The following SMOC1 variants were observed in gnomAD, a reference collection of about 807,000 sequenced individuals.
SMOC1 encodes SPARC related modular calcium binding 1, also known as SPARC-related modular calcium-binding protein 1.
Under a neutral mutation model 56.3 loss-of-function variants are expected in SMOC1, and 22 were observed. That is an observed-to-expected ratio of 0.39 (90% CI 0.28 to 0.56). The LOEUF is 0.56. Ranked by LOEUF, SMOC1 falls within the 20% of genes least tolerant of loss-of-function variation. The pLI is 0.61. For missense variants in SMOC1, 509 were observed against 565.4 expected (o/e 0.90, Z 1.01); for synonymous variants, 193 against 215.0 (o/e 0.90, Z 0.89).
chr14:69,920,325 C>T lies in SMOC1; in HGVS notation c.100-31813C>T, dbSNP rs551768726. 1.5e-4 allele frequency among the ~76,000 whole-genome samples: 23 copies of T among 152,258 alleles called. No homozygotes were observed. The South Asian group carries it at 3.7e-3, about 25-fold the overall frequency. ...GAGCCAGTGCTGGATGTATTACTGCCGTTTACCTCTGTAGGTTTTATGGAC... is the reference window on the plus strand; with the variant it reads ...GAGCCAGTGCTGGATGTATTACTGCTGTTTACCTCTGTAGGTTTTATGGAC... On this transcript the variant is annotated intron_variant, in intron 1 of 11. Coordinates refer to ENST00000361956, the MANE Select transcript of SMOC1 (RefSeq NM_001034852.3).
At chr14:69,977,791 T>G in intron 4 of SMOC1, 127 bp from the exon 5 acceptor site, 1 of 773,706 alleles carries the variant, frequency 1.3e-6, no homozygotes, top group Non-Finnish European at 2.3e-6. Flanking sequence ...ATAATATCCT[T>G]AGATGTGTAT....
chr14:69,927,893 C>T (rs150526780), intron 1 of SMOC1, among the ~76,000 whole-genome samples: 2 of 152,098 alleles, frequency 1.3e-5, no homozygotes, highest in Non-Finnish European at 2.9e-5. Context: ...GTAATGGATC[C>T]GAGTTCCTTT....
At chr14:69,989,849 T>G (rs1884498878) in intron 5 of SMOC1, among the ~76,000 whole-genome samples, 1 of 152,210 alleles carries the variant, frequency 6.6e-6, no homozygotes, top group African/African-American at 2.4e-5. Context: ...GTGCTCTTAT[T>G]TGCTGGGTCA....
At chr14:69,979,354 A>G (rs1884093133) in intron 5 of SMOC1, among the ~76,000 whole-genome samples, 1 of 152,086 alleles carries the variant, frequency 6.6e-6, no homozygotes, top group African/African-American at 2.4e-5. Flanking sequence ...ACAGGGACCA[A>G]TGGGCCAGAT....
intron 3 of SMOC1, among the ~76,000 whole-genome samples, chr14:69,971,109 C>G (rs548600415): frequency 6.6e-6 from 1 of 152,162 alleles, no homozygotes; most frequent in East Asian, 1.9e-4. Flanking sequence ...ACCTCCAACT[C>G]GTGGCTTCAA....
Position 70,031,101 on chromosome 14 carries a change from A to G in SMOC1, c.*843A>G, listed in dbSNP as rs928545547. The G allele has an allele frequency of 2.6e-5, 4 of 152,154 alleles. No homozygotes were observed. The highest frequency in any genetic ancestry group is 9.7e-5 in the African/African-American group (4 of 41,430). The allele number at this position is 152,154 out of a possible 1,614,324, so 9.4% of individuals were successfully genotyped here. ...AAATTATCCACAAAGGATTTGCATT[A>G]CGTCACTCGAAACGTTTTCATCCAT... On this transcript the variant is annotated 3_prime_UTR_variant, in exon 12 of 12. Transcript: ENST00000361956.
intron 1 of SMOC1, among the ~76,000 whole-genome samples, chr14:69,931,824 A>G (rs948140188): frequency 5.3e-5 from 8 of 152,264 alleles, no homozygotes; most frequent in African/African-American, 1.9e-4. Context: ...GTGTCCAGTT[A>G]AAGGACTACA....
At chr14:69,977,748 C>T (rs184086374) in intron 4 of SMOC1, among the ~76,000 whole-genome samples, 170 bp from the exon 5 acceptor site, 1 of 152,230 alleles carries the variant, frequency 6.6e-6, no homozygotes, top group East Asian at 1.9e-4. Flanking sequence ...AAACAAACCC[C>T]ACTCAACATG....
intron 3 of SMOC1, among the ~76,000 whole-genome samples, chr14:69,959,734 T>C (rs1883306069): frequency 6.6e-6 from 1 of 152,092 alleles, no homozygotes; most frequent in South Asian, 2.1e-4. Context: ...CTCTTGCATA[T>C]AGGGATCTGG....
At chr14:69,950,008 GTTAT>G (rs1321776140) in intron 1 of SMOC1, among the ~76,000 whole-genome samples, 1 of 152,218 alleles carries the variant, frequency 6.6e-6, no homozygotes, top group Non-Finnish European at 1.5e-5. Context: ...GATGATCTGA[GTTAT>G]TTATTTTTGC....
At chr14:69,954,318 G>A (rs865936351) in intron 3 of SMOC1, among the ~76,000 whole-genome samples, 5 of 152,264 alleles carry the variant, frequency 3.3e-5, no homozygotes, top group South Asian at 2.1e-4. Context: ...AGCTGGGACT[G>A]TAGGCACATG....
intron 1 of SMOC1, among the ~76,000 whole-genome samples, chr14:69,943,130 C>T (rs1882633753): frequency 6.6e-6 from 1 of 152,182 alleles, no homozygotes; most frequent in Non-Finnish European, 1.5e-5. Context: ...GCTAAAACAA[C>T]AGAAGTGGCT....
intron 3 of SMOC1, among the ~76,000 whole-genome samples, chr14:69,967,132 C>T (rs910128533): frequency 2.6e-5 from 4 of 152,214 alleles, no homozygotes; most frequent in African/African-American, 7.2e-5. Context: ...CATATCACAC[C>T]ATCAACTCAT....
intron 1 of SMOC1, among the ~76,000 whole-genome samples, chr14:69,935,265 C>T (rs1336132596): frequency 2.0e-5 from 3 of 152,194 alleles, no homozygotes. Flanking sequence ...TAAGTGTCTC[C>T]TTCAGAGATG....
At chr14:69,922,347 C>G (rs1027435234) in intron 1 of SMOC1, among the ~76,000 whole-genome samples, 1 of 152,194 alleles carries the variant, frequency 6.6e-6, no homozygotes, top group Non-Finnish European at 1.5e-5. Context: ...ATGCTTCAGG[C>G]GTAAAGGTCT....
intron 1 of SMOC1, among the ~76,000 whole-genome samples, chr14:69,913,999 G>A (rs1362403519): frequency 6.6e-6 from 1 of 152,160 alleles, no homozygotes; most frequent in African/African-American, 2.4e-5. Flanking sequence ...TGATCATGTG[G>A]GTATAATGAG....
At chr14:70,011,456 C>CCA in intron 8 of SMOC1, 29 bp from the exon 9 acceptor site, 3 of 1,347,206 alleles carry the variant, frequency 2.2e-6, no homozygotes, top group Non-Finnish European at 3.2e-6. Flanking sequence ...CAGCCCCTCC[C>CCA]AACCCCCCCC....
intron 1 of SMOC1, among the ~76,000 whole-genome samples, chr14:69,905,974 A>G (rs1884397382): frequency 6.6e-6 from 1 of 152,208 alleles, no homozygotes; most frequent in Non-Finnish European, 1.5e-5. Context: ...CAATGTGTAG[A>G]TGGGAGTCGG....
intron 1 of SMOC1, among the ~76,000 whole-genome samples, chr14:69,897,992 T>C (rs1884142055): frequency 1.3e-5 from 2 of 152,142 alleles, no homozygotes; most frequent in African/African-American, 4.8e-5. Flanking sequence ...GTTTCCTCAG[T>C]TTTTATTTGC....
Sources: allele counts gnomAD v4.1 joint callset (sites outside exome capture counted in the v4.1 genomes callset), GRCh38; gene constraint gnomAD v4.1.1; transcripts MANE v1.5; gene names NCBI Gene and HGNC (gene_info 2026-07-23, HGNC 2026-07-21).